Variants in GSTA5 observed in about 807,000 individuals in gnomAD.
GSTA5 encodes glutathione S-transferase alpha 5, also known as glutathione S-transferase A5.
GSTA5 carries 25 observed loss-of-function variants against 21.8 expected under a neutral mutation model. The ratio of observed to expected loss-of-function variants is 1.14; its 90% CI spans 0.83 to 1.60. GSTA5 has a LOEUF of 1.60. Among genes scored for constraint, GSTA5 ranks in the 40% most tolerant of loss-of-function variants. The probability of loss-of-function intolerance (pLI) is 0.00; values close to 1 mark genes in which losing one functional copy is unlikely to be tolerated. For synonymous variants in GSTA5, 102 were observed against 89.5 expected, an observed-to-expected ratio of 1.14 and a Z score of -0.78; for missense variants, 330 against 259.2, an observed-to-expected ratio of 1.27 and a Z score of -1.88.
At chr6:52,842,406 C>CTTTTTT (rs3063633), upstream of GSTA5, among the ~76,000 whole-genome samples, 1 of 128,800 alleles carries the variant, frequency 7.8e-6, no homozygotes, top group Non-Finnish European at 1.6e-5. Context: ...TAATGTATTT[C>CTTTTTT]TTTTTTTTTT....
At chr6:52,835,448 G>T (rs139877033) in intron 3 of GSTA5, among the ~76,000 whole-genome samples, 2,483 of 152,008 alleles carry the variant, frequency 0.016, 71 homozygotes, top group African/African-American at 0.057. Context: ...TCCACTTTTT[G>T]AATACTATGA....
chr6:52,834,307 A>C lies in GSTA5; in HGVS notation c.273-25T>G, dbSNP rs767362002. The C allele has an allele frequency of 4.4e-6, 7 of 1,591,854 alleles. No homozygotes were observed. The South Asian group carries it at 5.7e-5, about 13-fold the overall frequency. On this transcript the variant is annotated intron_variant, in intron 3 of 5. Transcript: ENST00000370989. ...CCTGAAAGACAAAAACAACCAAACC[A>C]TCAAATGCCTTTTGCCTTAGATTTT...
At chr6:52,842,566 T>C (rs2127325745), upstream of GSTA5, among the ~76,000 whole-genome samples, 1 of 152,072 alleles carries the variant, frequency 6.6e-6, no homozygotes, top group East Asian at 1.9e-4. Flanking sequence ...CCACCACACC[T>C]GGCTAATTTT....
intron 3 of GSTA5, among the ~76,000 whole-genome samples, chr6:52,835,960 C>T (rs1008963301): frequency 2.0e-4 from 31 of 152,160 alleles, no homozygotes; most frequent in Non-Finnish European, 3.5e-4. Flanking sequence ...ATTCCCCATC[C>T]TCCTCAGTTC....
At chr6:52,844,462 A>G (rs1332142351), upstream of GSTA5, among the ~76,000 whole-genome samples, 2 of 152,230 alleles carry the variant, frequency 1.3e-5, no homozygotes, top group South Asian at 2.1e-4. Flanking sequence ...GTTGAAGACT[A>G]GTATAACTGT....
chr6:52,840,694 A>G (rs371873702), intron 1 of GSTA5, 33 bp downstream of exon 1: 453 of 1,588,114 alleles, frequency 2.9e-4, no homozygotes, highest in Admixed American at 4.2e-4. Context: ...GCAATTTTAA[A>G]TCCAACTTAA....
At chr6:52,844,957 C>T (rs1193673261), upstream of GSTA5, among the ~76,000 whole-genome samples, 1 of 152,068 alleles carries the variant, frequency 6.6e-6, no homozygotes, top group East Asian at 1.9e-4. Context: ...ATTATTTTAT[C>T]TATCAATCGT....
intron 4 of GSTA5, 81 bp downstream of exon 4, chr6:52,834,060 G>C (rs1561925920): frequency 6.7e-7 from 1 of 1,501,514 alleles, no homozygotes; most frequent in African/African-American, 1.4e-5. Context: ...GTGAAGGTCA[G>C]TGGCCCCAGG....
At chr6:52,837,184 G>A (rs947910979) in intron 2 of GSTA5, among the ~76,000 whole-genome samples, 1 of 152,146 alleles carries the variant, frequency 6.6e-6, no homozygotes, top group African/African-American at 2.4e-5. Context: ...TCAAGGCAAT[G>A]GCCACGTCGA....
At chr6:52,836,248 T>C (rs764092901) in exon 3 of GSTA5, 1 of 1,613,462 alleles carries the variant, frequency 6.2e-7, no homozygotes, top group African/African-American at 1.3e-5. Flanking sequence ...GGCTCTCTCC[T>C]TCATGTCTTT....
At chr6:52,840,082 T>G (rs942873114) in intron 1 of GSTA5, among the ~76,000 whole-genome samples, 9 of 152,246 alleles carry the variant, frequency 5.9e-5, no homozygotes, top group African/African-American at 1.7e-4. Flanking sequence ...CTCTCATTTA[T>G]AGTTTGCATT....
intron 5 of GSTA5, among the ~76,000 whole-genome samples, chr6:52,832,391 A>G (rs562519942): frequency 1.3e-5 from 2 of 152,350 alleles, no homozygotes; most frequent in South Asian, 4.1e-4. Flanking sequence ...TTTCTCAGTG[A>G]CAGATACAGT....
At chr6:52,838,685 C>G (rs1764325624) in intron 1 of GSTA5, among the ~76,000 whole-genome samples, 1 of 152,270 alleles carries the variant, frequency 6.6e-6, no homozygotes, top group South Asian at 2.1e-4. Context: ...TAGGCAGAAT[C>G]TATCAAACCA....
At chr6:52,839,624 C>T (rs1561927611) in intron 1 of GSTA5, among the ~76,000 whole-genome samples, 1 of 152,298 alleles carries the variant, frequency 6.6e-6, no homozygotes. Context: ...TCACCTGAAA[C>T]CCCCCTTTTC....
chr6:52,832,820 A>C (rs755740800), intron 5 of GSTA5, 39 bp downstream of exon 5: 2 of 1,612,718 alleles, frequency 1.2e-6, no homozygotes, highest in Non-Finnish European at 1.7e-6. Flanking sequence ...CCAATATAAG[A>C]GATGTGGGGC....
chr6:52,831,701 A>T, exon 6 of GSTA5: 1 of 935,884 alleles, frequency 1.1e-6, no homozygotes, highest in Admixed American at 2.8e-5. Context: ...GTTGACAGAT[A>T]AGAGTTATTT....
At chr6:52,831,818 G>T (rs377542779) in exon 6 of GSTA5, 129 of 1,612,962 alleles carry the variant, frequency 8.0e-5, no homozygotes, top group Admixed American at 1.3e-4. Flanking sequence ...ATATTGGTCT[G>T]GCATGTTCTT....
chr6:52,835,266 A>G (rs1188697252), intron 3 of GSTA5, among the ~76,000 whole-genome samples: 1 of 152,212 alleles, frequency 6.6e-6, no homozygotes, highest in Non-Finnish European at 1.5e-5. Flanking sequence ...AAAGAATCCT[A>G]TAATACTTGG....
At chr6:52,843,294 ATT>A (rs1300163670), upstream of GSTA5, among the ~76,000 whole-genome samples, 1 of 152,168 alleles carries the variant, frequency 6.6e-6, no homozygotes, top group Non-Finnish European at 1.5e-5. Flanking sequence ...GTCAAATAGT[ATT>A]TCTAGTTCTA....
Sources: gnomAD v4.1 joint callset for allele counts (sites outside exome capture counted in the v4.1 genomes callset) on GRCh38, gnomAD v4.1.1 for gene constraint, MANE v1.5 for transcripts, NCBI Gene and HGNC (gene_info 2026-07-23, HGNC 2026-07-21) for gene names.